EML6: variants seen among roughly 807,000 people sequenced by gnomAD.
The protein encoded by EML6 is echinoderm microtubule-associated protein-like 6.
EML6 carries 154 observed loss-of-function variants against 240.1 expected under a neutral mutation model. That is an observed-to-expected ratio of 0.64 (90% CI 0.56 to 0.73). The LOEUF is 0.73. Ranked by LOEUF, EML6 falls within the 30% of genes least tolerant of loss-of-function variation. The probability of loss-of-function intolerance (pLI) is 0.00; values close to 1 mark genes in which losing one functional copy is unlikely to be tolerated. For missense variants in EML6, 2,964 were observed against 2,474.6 expected (o/e 1.20, Z -4.20); for synonymous variants, 1,148 against 899.0 (o/e 1.28, Z -4.95).
At chr2:54,826,053 A>T (rs1668576132) in intron 5 of EML6, among the ~76,000 whole-genome samples, 1 of 152,236 alleles carries the variant, frequency 6.6e-6, no homozygotes, top group Non-Finnish European at 1.5e-5. Flanking sequence ...CAGTCTGAAT[A>T]TGCTACCTTA....
At chr2:54,870,189 C>G in intron 15 of EML6, among the ~76,000 whole-genome samples, 1 of 152,278 alleles carries the variant, frequency 6.6e-6, no homozygotes, top group East Asian at 1.9e-4. Context: ...GAGACTCGAC[C>G]TGCAGGTGGT....
intron 2 of EML6, among the ~76,000 whole-genome samples, chr2:54,738,751 T>G (rs1390426575): frequency 6.6e-6 from 1 of 152,224 alleles, no homozygotes; most frequent in African/African-American, 2.4e-5. Flanking sequence ...CAGTTCTGTA[T>G]TTTTTGTTGT....
intron 19 of EML6, 46 bp from the exon 20 acceptor site, chr2:54,894,869 G>T: frequency 2.2e-6 from 3 of 1,350,452 alleles, no homozygotes; most frequent in South Asian, 2.6e-5. Flanking sequence ...GTGGGTAATT[G>T]GTCATTTTGA....
At chr2:54,735,431 G>T (rs140310556) in intron 2 of EML6, among the ~76,000 whole-genome samples, 2 of 152,212 alleles carry the variant, frequency 1.3e-5, no homozygotes, top group South Asian at 2.1e-4. Context: ...TACATACTTC[G>T]TGAAGATAAA....
At chr2:54,871,096 C>T (rs1380473214) in intron 15 of EML6, among the ~76,000 whole-genome samples, 4 of 152,116 alleles carry the variant, frequency 2.6e-5, no homozygotes, top group Admixed American at 6.5e-5. Context: ...GGTAGCGTAA[C>T]TGAGAATGGG....
chr2:54,946,430 C>T (rs1382169090), intron 28 of EML6, among the ~76,000 whole-genome samples: 1 of 152,154 alleles, frequency 6.6e-6, no homozygotes, highest in Non-Finnish European at 1.5e-5. Flanking sequence ...TGAATGTCCT[C>T]ATGCCTCCAC....
intron 4 of EML6, among the ~76,000 whole-genome samples, chr2:54,819,914 G>A (rs868267960): frequency 6.6e-6 from 1 of 152,122 alleles, no homozygotes; most frequent in African/African-American, 2.4e-5. Context: ...AAATCCCTCT[G>A]CCTTACGTTT....
intron 25 of EML6, among the ~76,000 whole-genome samples, chr2:54,913,075 T>TA (rs950027641): frequency 1.8e-4 from 27 of 151,278 alleles, no homozygotes; most frequent in Admixed American, 2.6e-4. Context: ...GATTCTGTTT[T>TA]TTTTTTTTTT....
intron 30 of EML6, among the ~76,000 whole-genome samples, chr2:54,952,213 G>C (rs1676016589): frequency 6.6e-6 from 1 of 152,098 alleles, no homozygotes; most frequent in African/African-American, 2.4e-5. Context: ...CCCTACTTCT[G>C]CCCAGATGTG....
intron 2 of EML6, among the ~76,000 whole-genome samples, chr2:54,789,182 T>C (rs567681337): frequency 2.0e-5 from 3 of 152,310 alleles, no homozygotes; most frequent in South Asian, 4.1e-4. Context: ...CAATGAAACA[T>C]TTAATTTTTA....
At chr2:54,854,637 A>G (rs962666501) in intron 11 of EML6, among the ~76,000 whole-genome samples, 3 of 152,244 alleles carry the variant, frequency 2.0e-5, no homozygotes, top group African/African-American at 7.2e-5. Flanking sequence ...AAGCAAGGAA[A>G]GGGATTGAAA....
At position 54,968,136 on chromosome 2, in the gene EML6, G is replaced by C; in HGVS notation, c.5606G>C (p.Gly1869Ala). The C allele has an allele frequency of 4.5e-6, 7 of 1,551,110 alleles. No individual in the cohort carries two copies. Among genetic ancestry groups the C allele is most frequent in the Non-Finnish European group, 6.1e-6 (7 of 1,147,004 alleles). ...ITWASWTSVLGDEVIGIWPRN... is the reference protein window; with the variant it reads ...ITWASWTSVLADEVIGIWPRN... ...TCTTTCTGTTGGAACAGCGTCCTGG[G>C]AGATGAAGTCATTGGAATCTGGCCA... The change falls in exon 40 of 42, where the codon GGA becomes GCA. Residue 1869 changes from glycine (G) to alanine (A), a missense_variant. By Grantham distance (60) the Gly-to-Ala change is moderately conservative. Transcript: ENST00000356458.
chr2:54,758,865 A>C (rs951334584), intron 2 of EML6, among the ~76,000 whole-genome samples: 2 of 152,100 alleles, frequency 1.3e-5, no homozygotes, highest in Non-Finnish European at 2.9e-5. Flanking sequence ...ACACTCCTTC[A>C]TAGAGCAATG....
intron 2 of EML6, among the ~76,000 whole-genome samples, chr2:54,811,055 C>G (rs1277727970): frequency 6.6e-6 from 1 of 151,990 alleles, no homozygotes; most frequent in Non-Finnish European, 1.5e-5. Context: ...TAAGCATTTC[C>G]CCCTCTGTTC....
At chr2:54,848,632 T>G (rs573777974) in intron 9 of EML6, among the ~76,000 whole-genome samples, 1 of 152,212 alleles carries the variant, frequency 6.6e-6, no homozygotes, top group South Asian at 2.1e-4. Flanking sequence ...GAGCGACTGT[T>G]ATGTAGAACG....
intron 22 of EML6, among the ~76,000 whole-genome samples, chr2:54,902,028 C>T (rs1558667183): frequency 6.6e-6 from 1 of 152,204 alleles, no homozygotes; most frequent in Non-Finnish European, 1.5e-5. Flanking sequence ...AGATTCCATT[C>T]TTCGCGTGAC....
At chr2:54,856,672 G>T (rs758039780) in intron 11 of EML6, among the ~76,000 whole-genome samples, 2 of 152,208 alleles carry the variant, frequency 1.3e-5, no homozygotes, top group African/African-American at 2.4e-5. Context: ...ATGAGGGGAA[G>T]AGTTGCGTAC....
At chr2:54,959,928 T>G (rs888655881) in intron 34 of EML6, among the ~76,000 whole-genome samples, 1 of 152,210 alleles carries the variant, frequency 6.6e-6, no homozygotes, top group African/African-American at 2.4e-5. Context: ...GAGAAACATT[T>G]CTGTGTTCTA....
At chr2:54,934,323 C>T (rs951699166) in intron 28 of EML6, among the ~76,000 whole-genome samples, 1 of 152,064 alleles carries the variant, frequency 6.6e-6, no homozygotes, top group Admixed American at 6.6e-5. Flanking sequence ...AAATTTGTAT[C>T]CTCCCGCCCT....
Sources: gnomAD v4.1 joint callset for allele counts (sites outside exome capture counted in the v4.1 genomes callset) on GRCh38, gnomAD v4.1.1 for gene constraint, MANE v1.5 for transcripts, NCBI Gene and HGNC (gene_info 2026-07-23, HGNC 2026-07-21) for gene names.